GLIS3: variants seen among roughly 807,000 people sequenced by gnomAD.
GLIS3 encodes the protein GLIS family zinc finger 3, also known as zinc finger protein GLIS3.
GLIS3 carries 53 observed loss-of-function variants against 78.6 expected under a neutral mutation model. The observed-to-expected ratio is 0.67, with a 90% CI of 0.54 to 0.85. The LOEUF (loss-of-function observed/expected upper bound fraction) is 0.85. Among genes scored for constraint, GLIS3 ranks in the 40% least tolerant of loss-of-function variants. GLIS3 has a pLI of 0.00. For missense variants in GLIS3, 1,703 were observed against 1,231.1 expected (o/e 1.38, Z -5.74); for synonymous variants, 684 against 509.9 (o/e 1.34, Z -4.60).
chr9:4,194,332 T>A (rs930813106), intron 2 of GLIS3, among the ~76,000 whole-genome samples: 36 of 152,294 alleles, frequency 2.4e-4, no homozygotes, highest in Middle Eastern at 3.4e-3. Context: ...AGTGCTAGGA[T>A]TACAGGCGTG....
the GLIS3 span, among the ~76,000 whole-genome samples, chr9:4,382,772 G>A: frequency 1.3e-5 from 2 of 152,208 alleles, no homozygotes; most frequent in East Asian, 3.9e-4. Context: ...CAAGATCAGG[G>A]CCTTTCCATT....
chr9:4,073,011 CT>C (rs1554688904), intron 4 of GLIS3, among the ~76,000 whole-genome samples: 1 of 119,930 alleles, frequency 8.3e-6, no homozygotes, highest in Non-Finnish European at 1.7e-5. Context: ...GGGTTTACTG[CT>C]TTTTTCTTTA....
At chr9:4,291,496 T>A (rs1483882979) in intron 1 of GLIS3, among the ~76,000 whole-genome samples, 2 of 152,160 alleles carry the variant, frequency 1.3e-5, no homozygotes, top group East Asian at 3.8e-4. Context: ...CTTTCCTAAG[T>A]TTATAGAGTG....
intron 4 of GLIS3, among the ~76,000 whole-genome samples, chr9:4,031,961 G>A (rs1823873723): frequency 6.6e-6 from 1 of 152,176 alleles, no homozygotes; most frequent in African/African-American, 2.4e-5. Context: ...CTAGCAGATA[G>A]CAAGAGTCTA....
chr9:4,191,935 T>G (rs1242115024), intron 2 of GLIS3, among the ~76,000 whole-genome samples: 4 of 152,046 alleles, frequency 2.6e-5, no homozygotes, highest in Admixed American at 1.3e-4. Flanking sequence ...AACCAAAATT[T>G]TGTTAAAGGA....
At chr9:4,490,102 G>T in the GLIS3 span, among the ~76,000 whole-genome samples, 1 of 152,350 alleles carries the variant, frequency 6.6e-6, no homozygotes, top group East Asian at 1.9e-4. Context: ...GGAAATAGCT[G>T]GTGTGGAGAA....
chr9:4,432,766 G>A, the GLIS3 span, among the ~76,000 whole-genome samples: 1 of 149,660 alleles, frequency 6.7e-6, no homozygotes, highest in Non-Finnish European at 1.5e-5. Context: ...TCAGCCTCCC[G>A]AGTAGCTGGG....
intron 2 of GLIS3, among the ~76,000 whole-genome samples, chr9:4,228,078 C>T (rs1045508081): frequency 6.6e-6 from 1 of 151,720 alleles, no homozygotes; most frequent in African/African-American, 2.4e-5. Context: ...AGGGAAGGGG[C>T]CAGGAGAATC....
intron 2 of GLIS3, among the ~76,000 whole-genome samples, chr9:4,213,671 T>C (rs1413343362): frequency 1.3e-5 from 2 of 152,240 alleles, no homozygotes; most frequent in African/African-American, 4.8e-5. Context: ...GTGTATCTTG[T>C]TCACTGCTGA....
intron 4 of GLIS3, among the ~76,000 whole-genome samples, chr9:3,990,281 A>G (rs1820118671): frequency 6.6e-6 from 1 of 152,220 alleles, no homozygotes; most frequent in African/African-American, 2.4e-5. Flanking sequence ...ACATTAACAT[A>G]ATATTAGAAT....
At chr9:4,411,410 G>C in the GLIS3 span, among the ~76,000 whole-genome samples, 4 of 152,166 alleles carry the variant, frequency 2.6e-5, no homozygotes, top group Admixed American at 2.0e-4. Context: ...ATGAGGTCGT[G>C]ATACAGATGA....
At chr9:4,295,583 A>G (rs10758594) in intron 1 of GLIS3, among the ~76,000 whole-genome samples, 69,286 of 151,984 alleles carry the variant, frequency 0.46, 17,292 homozygotes, top group Non-Finnish European at 0.57. Context: ...CAAAACTAAT[A>G]TATCTGTTAG....
At chr9:4,044,611 G>A (rs900511418) in intron 4 of GLIS3, among the ~76,000 whole-genome samples, 3 of 152,120 alleles carry the variant, frequency 2.0e-5, no homozygotes, top group African/African-American at 7.2e-5. Flanking sequence ...TTTGGGTCAG[G>A]TGCACATTGC....
chr9:3,978,603 T>G (rs896473864), intron 4 of GLIS3, among the ~76,000 whole-genome samples: 1 of 151,980 alleles, frequency 6.6e-6, no homozygotes, highest in African/African-American at 2.4e-5. Flanking sequence ...CTCAGATTAT[T>G]TTGCAATGTT....
At chr9:4,131,708 T>C (rs901791872) in intron 2 of GLIS3, among the ~76,000 whole-genome samples, 1 of 152,128 alleles carries the variant, frequency 6.6e-6, no homozygotes, top group Admixed American at 6.5e-5. Context: ...TTAAACCTCT[T>C]TTCTTTGTAA....
chr9:4,222,230 A>C (rs1027695089), intron 2 of GLIS3, among the ~76,000 whole-genome samples: 1 of 152,208 alleles, frequency 6.6e-6, no homozygotes, highest in African/African-American at 2.4e-5. Flanking sequence ...CTTCTTCACT[A>C]AACACGGTAG....
chr9:3,853,742 GA>G (rs1819585023), intron 9 of GLIS3, among the ~76,000 whole-genome samples: 1 of 152,068 alleles, frequency 6.6e-6, no homozygotes, highest in Non-Finnish European at 1.5e-5. Flanking sequence ...TTTCTTTAGA[GA>G]AAAAAGAAGA....
intron 2 of GLIS3, among the ~76,000 whole-genome samples, chr9:4,253,343 T>A (rs780455471): frequency 6.6e-6 from 1 of 152,254 alleles, no homozygotes; most frequent in Non-Finnish European, 1.5e-5. Flanking sequence ...CTAGCTACAG[T>A]GGCTTTGCCA....
intron 2 of GLIS3, among the ~76,000 whole-genome samples, chr9:4,261,926 T>C (rs574821772): frequency 2.8e-4 from 43 of 152,284 alleles, no homozygotes; most frequent in African/African-American, 1.0e-3. Context: ...TAATACTGTC[T>C]CCAAAGAGGG....
Sources: gnomAD v4.1 joint callset for allele counts (sites outside exome capture counted in the v4.1 genomes callset) on GRCh38, gnomAD v4.1.1 for gene constraint, MANE v1.5 for transcripts, NCBI Gene and HGNC (gene_info 2026-07-23, HGNC 2026-07-21) for gene names.